INPP4B: variants seen among roughly 807,000 people sequenced by gnomAD.
INPP4B encodes inositol polyphosphate 4-phosphatase type II.
Under a neutral mutation model 122.5 loss-of-function variants are expected in INPP4B, and 55 were observed. That is an observed-to-expected ratio of 0.45 (90% CI 0.36 to 0.56). The LOEUF is 0.56. Among genes scored for constraint, INPP4B ranks in the 20% least tolerant of loss-of-function variants. INPP4B has a pLI of 0.00. For missense variants in INPP4B, 1,000 were observed against 1,097.7 expected (o/e 0.91, Z 1.26); for synonymous variants, 403 against 388.7 (o/e 1.04, Z -0.43).
chr4:142,400,252 T>C (rs1325452306), intron 7 of INPP4B, among the ~76,000 whole-genome samples: 3 of 152,180 alleles, frequency 2.0e-5, no homozygotes, highest in Admixed American at 1.3e-4. Context: ...CTCAACTAAT[T>C]AGTATTCAAC....
chr4:142,282,228 T>A (rs78117838), intron 9 of INPP4B, among the ~76,000 whole-genome samples: 5,808 of 152,156 alleles, frequency 0.038, 363 homozygotes, highest in African/African-American at 0.13. Context: ...CATACATCCT[T>A]CTTGGGGCAA....
At chr4:142,618,567 T>C (rs551649102) in intron 2 of INPP4B, among the ~76,000 whole-genome samples, 4 of 152,164 alleles carry the variant, frequency 2.6e-5, no homozygotes, top group African/African-American at 9.6e-5. Context: ...TCTTCCACTA[T>C]ACACATACAC....
At chr4:142,545,017 T>C (rs1019358087) in intron 2 of INPP4B, among the ~76,000 whole-genome samples, 12 of 152,182 alleles carry the variant, frequency 7.9e-5, no homozygotes, top group African/African-American at 2.9e-4. Flanking sequence ...GTTCAGTTAC[T>C]TACATTGTTC....
At chr4:142,147,893 C>A (rs1441451824) in intron 17 of INPP4B, among the ~76,000 whole-genome samples, 1 of 152,100 alleles carries the variant, frequency 6.6e-6, no homozygotes, top group East Asian at 1.9e-4. Context: ...GAACCATAAG[C>A]CAGGAGAGCT....
At chr4:142,637,323 CA>C (rs200374025) in intron 2 of INPP4B, among the ~76,000 whole-genome samples, 1,746 of 152,082 alleles carry the variant, frequency 0.011, 30 homozygotes, top group African/African-American at 0.032. Context: ...TTGCCCCCCG[CA>C]AAAAAATTGT....
intron 2 of INPP4B, among the ~76,000 whole-genome samples, chr4:142,604,880 T>C (rs1049846631): frequency 6.6e-6 from 1 of 152,048 alleles, no homozygotes; most frequent in African/African-American, 2.4e-5. Context: ...CTAAACTTCA[T>C]ATAGAACCAA....
At chr4:142,521,795 C>G (rs1826108815) in intron 2 of INPP4B, among the ~76,000 whole-genome samples, 1 of 152,028 alleles carries the variant, frequency 6.6e-6, no homozygotes, top group Non-Finnish European at 1.5e-5. Context: ...ATTAACTAGT[C>G]TTACTAGTCT....
chr4:142,454,712 C>T lies in INPP4B; in HGVS notation c.-127+7951G>A, dbSNP rs563074814. Among the ~76,000 whole-genome samples the T allele has an allele frequency of 7.9e-5, 12 of 152,178 alleles. No homozygotes were observed. In the East Asian group the frequency reaches 2.1e-3, roughly 27 times the overall value. ...TTACTCTGGGACATTGGGCAATTTA[C>T]TTAGCCATACCGTTCCTTATTCCCC... On this transcript the variant is annotated intron_variant, in intron 3 of 25. Transcript: ENST00000262992.
intron 2 of INPP4B, among the ~76,000 whole-genome samples, chr4:142,480,756 A>T (rs1580173252): frequency 6.6e-6 from 1 of 152,200 alleles, no homozygotes; most frequent in East Asian, 1.9e-4. Context: ...AGACAAGAGG[A>T]TAATCAGAAG....
At chr4:142,257,356 G>C (rs1293800769) in intron 11 of INPP4B, among the ~76,000 whole-genome samples, 1 of 152,124 alleles carries the variant, frequency 6.6e-6, no homozygotes, top group African/African-American at 2.4e-5. Flanking sequence ...TCTGGCCAGG[G>C]CAATTAGGCA....
chr4:142,788,100 G>T (rs923601585), intron 1 of INPP4B, among the ~76,000 whole-genome samples: 4 of 151,936 alleles, frequency 2.6e-5, no homozygotes, highest in Non-Finnish European at 4.4e-5. Flanking sequence ...TCTCAAAAAC[G>T]CTGACCCATG....
intron 1 of INPP4B, among the ~76,000 whole-genome samples, chr4:142,727,993 A>T (rs1455368219): frequency 1.3e-5 from 2 of 152,204 alleles, no homozygotes; most frequent in Non-Finnish European, 2.9e-5. Context: ...AGCCTAACAG[A>T]CAGGTAAGCA....
At chr4:142,586,010 T>C (rs538260135) in intron 2 of INPP4B, among the ~76,000 whole-genome samples, 26 of 152,124 alleles carry the variant, frequency 1.7e-4, no homozygotes, top group Admixed American at 5.9e-4. Context: ...AACACTTTTC[T>C]ACAGAATCCT....
chr4:142,454,666 A>C (rs1449406811), intron 3 of INPP4B, among the ~76,000 whole-genome samples: 3 of 152,102 alleles, frequency 2.0e-5, no homozygotes, highest in East Asian at 1.9e-4. Flanking sequence ...TTATGGATCC[A>C]AACAGCCTAG....
intron 1 of INPP4B, among the ~76,000 whole-genome samples, chr4:142,778,912 G>A (rs942835186): frequency 6.6e-6 from 1 of 151,986 alleles, no homozygotes; most frequent in Admixed American, 6.6e-5. Context: ...ATGTGAGATT[G>A]GTTCATACAT....
intron 25 of INPP4B, among the ~76,000 whole-genome samples, chr4:142,052,484 T>C (rs1464209205): frequency 6.6e-6 from 1 of 152,100 alleles, no homozygotes; most frequent in East Asian, 1.9e-4. Flanking sequence ...ATAAGTATTG[T>C]ATATTACACT....
intron 9 of INPP4B, among the ~76,000 whole-genome samples, chr4:142,299,180 CAG>C (rs1399459331): frequency 1.8e-4 from 24 of 134,872 alleles, no homozygotes; most frequent in African/African-American, 6.8e-4. Context: ...GGGGGGGAGA[CAG>C]AGTCTTGCTC....
At chr4:142,307,480 T>TA (rs1763869215) in intron 8 of INPP4B, among the ~76,000 whole-genome samples, 1 of 152,220 alleles carries the variant, frequency 6.6e-6, no homozygotes, top group African/African-American at 2.4e-5. Flanking sequence ...AGGTATCTGG[T>TA]ACATATTTAC....
intron 12 of INPP4B, among the ~76,000 whole-genome samples, chr4:142,234,096 A>C (rs1855641784): frequency 6.6e-6 from 1 of 152,182 alleles, no homozygotes. Context: ...ATAAAACAAA[A>C]CTGTAGATTC....
Sources: gnomAD v4.1 joint callset for allele counts (sites outside exome capture counted in the v4.1 genomes callset) on GRCh38, gnomAD v4.1.1 for gene constraint, MANE v1.5 for transcripts, NCBI Gene and HGNC (gene_info 2026-07-23, HGNC 2026-07-21) for gene names.